Variants in CCDC68 observed in about 807,000 individuals in gnomAD.
CCDC68 encodes the protein coiled-coil domain containing 68.
A neutral mutation model predicts 47.1 loss-of-function variants in CCDC68; 45 were observed. That is an observed-to-expected ratio of 0.96 (90% CI 0.75 to 1.23). The LOEUF (loss-of-function observed/expected upper bound fraction) is 1.23. Among genes scored for constraint, CCDC68 ranks in the 50% most tolerant of loss-of-function variants. CCDC68 has a pLI of 0.00. For missense variants in CCDC68, 353 were observed against 373.6 expected (o/e 0.94, Z 0.45); for synonymous variants, 131 against 129.5 (o/e 1.01, Z -0.08).
At chr18:54,922,987 C>CAAAAA (rs1183607769) in intron 8 of CCDC68, among the ~76,000 whole-genome samples, 2 of 40,028 alleles carry the variant, frequency 5.0e-5, no homozygotes, top group Non-Finnish European at 9.8e-5. Context: ...GACTCCGTCT[C>CAAAAA]AAAAAAAAAA....
intron 4 of CCDC68, among the ~76,000 whole-genome samples, chr18:54,939,794 C>T (rs960544079): frequency 2.0e-5 from 3 of 152,062 alleles, no homozygotes; most frequent in Non-Finnish European, 2.9e-5. Context: ...GGCCTTGACA[C>T]GAGTAACTTC....
At chr18:54,914,363 A>G (rs2043908761) in intron 10 of CCDC68, among the ~76,000 whole-genome samples, 1 of 152,098 alleles carries the variant, frequency 6.6e-6, no homozygotes, top group African/African-American at 2.4e-5. Flanking sequence ...CACACCTATA[A>G]TCCCAGCACT....
Position 54,901,798 on chromosome 18 carries a change from T to C in CCDC68, c.*2560A>G, listed in dbSNP as rs568422764. 3.9e-5 allele frequency: 6 copies of C among 152,190 alleles called. No homozygotes were observed. Among genetic ancestry groups the C allele is most frequent in the Admixed American group, 1.3e-4 (2 of 15,282 alleles). The allele number at this position is 152,190 out of a possible 1,614,324, so 9.4% of individuals were successfully genotyped here. A position where few individuals can be genotyped will look rare whatever the true frequency, so the allele number is the denominator to read the frequency against. ...TACATTATTTGGAATAAAACTGAAC[T>C]AGTGTTTCTTTTCCTATATTTCCTG... On this transcript the variant is annotated 3_prime_UTR_variant, in exon 12 of 12. Coordinates refer to ENST00000591504, the MANE Select transcript of CCDC68 (RefSeq NM_025214.3).
At chr18:54,936,132 TTATA>T (rs1014180455) in intron 6 of CCDC68, among the ~76,000 whole-genome samples, 155 of 146,058 alleles carry the variant, frequency 1.1e-3, no homozygotes, top group Non-Finnish European at 1.7e-3. Context: ...ATATATTTAT[TTATA>T]TAGATATTAT....
rs1255621120 is a variant in CCDC68 at position 54,924,111 on chromosome 18, A to AATGTCTCAACATAATT, written c.683+4673_683+4688dup. ...ATCTGGGATTCATGCTCTGCCTTCC[A>AATGTCTCAACATAATT]ATGTCTCAACATAATTTTTGATCAT... On this transcript the variant is annotated intron_variant, in intron 8 of 11. Coordinates refer to ENST00000591504, the MANE Select transcript of CCDC68 (RefSeq NM_025214.3). Among the ~76,000 whole-genome samples, 15 of 152,330 alleles carry AATGTCTCAACATAATT rather than the reference A, an allele frequency of 9.8e-5. No homozygotes were observed. In the East Asian group the frequency reaches 1.3e-3, roughly 14 times the overall value.
At chr18:54,955,294 C>T (rs2044692840) in intron 1 of CCDC68, among the ~76,000 whole-genome samples, 1 of 152,134 alleles carries the variant, frequency 6.6e-6, no homozygotes, top group Non-Finnish European at 1.5e-5. Context: ...CACTGCACTC[C>T]AGCGTCAGTG....
chr18:54,935,500 G>C (rs1599069209), intron 6 of CCDC68, among the ~76,000 whole-genome samples: 2 of 152,258 alleles, frequency 1.3e-5, no homozygotes, highest in African/African-American at 2.4e-5. Context: ...ATTTAACAAA[G>C]CTTGACATTT....
intron 10 of CCDC68, 140 bp downstream of exon 10, chr18:54,917,773 G>T: frequency 1.5e-6 from 1 of 650,656 alleles, no homozygotes; most frequent in Non-Finnish European, 2.7e-6. Context: ...TACTCGTAGT[G>T]TTATACAGGC....
intron 8 of CCDC68, among the ~76,000 whole-genome samples, chr18:54,923,059 C>G (rs1219976416): frequency 1.3e-5 from 2 of 148,738 alleles, no homozygotes; most frequent in East Asian, 4.0e-4. Context: ...ATAGCTGGTG[C>G]TAAAATTCAA....
chr18:54,956,669 T>C (rs767573992), intron 1 of CCDC68, among the ~76,000 whole-genome samples: 4 of 152,160 alleles, frequency 2.6e-5, no homozygotes, highest in African/African-American at 9.7e-5. Context: ...AAAGACTATA[T>C]ATTGTACGAT....
intron 8 of CCDC68, among the ~76,000 whole-genome samples, chr18:54,921,285 C>A (rs536462915): frequency 1.3e-5 from 2 of 152,152 alleles, no homozygotes; most frequent in Non-Finnish European, 2.9e-5. Flanking sequence ...GCCCAAACCT[C>A]AGCATCAGGC....
intron 6 of CCDC68, among the ~76,000 whole-genome samples, chr18:54,935,858 T>C (rs1191741075): frequency 6.6e-6 from 1 of 152,138 alleles, no homozygotes; most frequent in Non-Finnish European, 1.5e-5. Context: ...AGCTGTTTTA[T>C]AGTTTTAATT....
At chr18:54,929,094 A>G (rs2044199366) in intron 7 of CCDC68, among the ~76,000 whole-genome samples, 1 of 152,074 alleles carries the variant, frequency 6.6e-6, no homozygotes, top group South Asian at 2.1e-4. Flanking sequence ...TCACTCTCTC[A>G]CCTGCCTGGA....
At chr18:54,953,549 T>TAGAG (rs879342365) in intron 1 of CCDC68, among the ~76,000 whole-genome samples, 28 of 110,668 alleles carry the variant, frequency 2.5e-4, no homozygotes, top group South Asian at 1.0e-3. Context: ...CATATATATA[T>TAGAG]ATAGAGAGAG....
intron 8 of CCDC68, among the ~76,000 whole-genome samples, chr18:54,920,548 T>A (rs2044040327): frequency 6.6e-6 from 1 of 152,202 alleles, no homozygotes; most frequent in Non-Finnish European, 1.5e-5. Context: ...ATATAGCATG[T>A]TCTAATTAGA....
At chr18:54,906,242 C>A (rs976801715) in intron 11 of CCDC68, among the ~76,000 whole-genome samples, 10 of 152,044 alleles carry the variant, frequency 6.6e-5, no homozygotes. Context: ...GAATTTCTAT[C>A]AAAAATCACA....
At chr18:54,950,861 A>G (rs1272172573) in intron 1 of CCDC68, among the ~76,000 whole-genome samples, 1 of 143,170 alleles carries the variant, frequency 7.0e-6, no homozygotes, top group Non-Finnish European at 1.5e-5. Flanking sequence ...AACCTCATCA[A>G]CTGAACACAA....
chr18:54,909,903 T>G (rs1914253644), intron 10 of CCDC68, among the ~76,000 whole-genome samples: 1 of 152,246 alleles, frequency 6.6e-6, no homozygotes, highest in African/African-American at 2.4e-5. Context: ...ACAGCTCTTC[T>G]TTCCTTCTCT....
chr18:54,936,098 T>C (rs2145545509), intron 6 of CCDC68, among the ~76,000 whole-genome samples: 1 of 146,774 alleles, frequency 6.8e-6, no homozygotes, highest in Non-Finnish European at 1.5e-5. Flanking sequence ...AAAAAATATA[T>C]AACTATATTA....
Sources: gnomAD v4.1 joint callset for allele counts (sites outside exome capture counted in the v4.1 genomes callset) on GRCh38, gnomAD v4.1.1 for gene constraint, MANE v1.5 for transcripts, NCBI Gene and HGNC (gene_info 2026-07-23, HGNC 2026-07-21) for gene names.